The following HNF1B variants were observed in gnomAD, a reference collection of about 807,000 sequenced individuals.
HNF1B encodes HNF1 homeobox B.
HNF1B carries 8 observed loss-of-function variants against 61.7 expected under a neutral mutation model. The observed-to-expected ratio is 0.13, with a 90% CI of 0.08 to 0.23. The LOEUF (loss-of-function observed/expected upper bound fraction) is 0.23, where lower values mean the gene tolerates loss of function less well. HNF1B is among the 10% of genes least tolerant of loss of function. The pLI, the probability that HNF1B is intolerant of heterozygous loss-of-function variation, is 1.00. For missense variants in HNF1B, 562 were observed against 714.5 expected (o/e 0.79, Z 2.43); for synonymous variants, 314 against 287.7 (o/e 1.09, Z -0.93).
In HNF1B at chr17:37,687,200, G is replaced by A. The variant is rs979125395; in HGVS notation, c.*172C>T. On this transcript the variant is annotated 3_prime_UTR_variant, in exon 9 of 9. Transcript: ENST00000617811. ...GAAGGGAAACTGGGCTTCGGGCTGC[G>A]CCTCCTGAGAGTGGATTGTCTGAGG... The A allele has an allele frequency of 2.5e-5, 25 of 1,016,184 alleles. No individual in the cohort carries two copies. The highest frequency in any genetic ancestry group is 4.8e-5 in the African/African-American group (3 of 62,650). 62.9% of individuals were successfully genotyped at this position (1,016,184 alleles called of 1,614,324 possible).
chr17:37,715,645 A>G (rs141875171), intron 4 of HNF1B, among the ~76,000 whole-genome samples: 22 of 152,316 alleles, frequency 1.4e-4, no homozygotes, highest in African/African-American at 5.3e-4. Flanking sequence ...TGCAATATGG[A>G]GTCACATCTT....
chr17:37,741,019 T>C lies in HNF1B; in HGVS notation c.345-1380A>G, dbSNP rs1251767872. Among the ~76,000 whole-genome samples, 4 of 152,160 alleles carry C rather than the reference T, an allele frequency of 2.6e-5. No individual in the cohort carries two copies. The East Asian group carries it at 5.8e-4, about 22-fold the overall frequency. ...ATGTTTACTATTTATTTAATGCAGGTACATATTTAACTTACAAAAACCAGC... is the reference window on the plus strand; with the variant it reads ...ATGTTTACTATTTATTTAATGCAGGCACATATTTAACTTACAAAAACCAGC... On this transcript the variant is annotated intron_variant, in intron 1 of 8. Transcript: ENST00000617811.
chr17:37,732,509 C>T (rs2033717317), intron 3 of HNF1B, among the ~76,000 whole-genome samples: 1 of 152,222 alleles, frequency 6.6e-6, no homozygotes, highest in Admixed American at 6.5e-5. Flanking sequence ...CCAGCCTGAC[C>T]TCCCTGGCTG....
At chr17:37,708,037 C>G (rs1162118190) in intron 5 of HNF1B, among the ~76,000 whole-genome samples, 2 of 152,124 alleles carry the variant, frequency 1.3e-5, no homozygotes, top group Non-Finnish European at 2.9e-5. Context: ...TCACACCAAC[C>G]CTATGACGTA....
At chr17:37,693,023 TA>T (rs1452465565) in intron 8 of HNF1B, among the ~76,000 whole-genome samples, 8 of 151,926 alleles carry the variant, frequency 5.3e-5, no homozygotes, top group Non-Finnish European at 7.4e-5. Flanking sequence ...ACCCCGTCTC[TA>T]CTAAAAATAC....
At position 37,697,594 on chromosome 17, in the gene HNF1B, T is replaced by C. The variant is rs968516805; in HGVS notation, c.1653+1482A>G. 2.0e-5 allele frequency among the ~76,000 whole-genome samples: 3 copies of C among 152,224 alleles called. No homozygotes were observed. In the South Asian group the frequency reaches 6.2e-4, roughly 32 times the overall value. On this transcript the variant is annotated intron_variant, in intron 8 of 8. Coordinates refer to ENST00000617811, the MANE Select transcript of HNF1B (RefSeq NM_000458.4). Reference sequence around the variant, plus strand: ...GCTGACCAAGCGGCAGATGGATTGATAAACCTTTCAAAGGGGAAGGTATTC... The same window carrying C: ...GCTGACCAAGCGGCAGATGGATTGACAAACCTTTCAAAGGGGAAGGTATTC...
intron 4 of HNF1B, chr17:37,721,009 T>C (rs1185728983): frequency 8.6e-6 from 8 of 932,166 alleles, no homozygotes; most frequent in East Asian, 1.2e-4. Context: ...TAGGAGATGT[T>C]GTTTAAGGGT....
rs1218221978 is a variant in HNF1B, at chr17:37,686,728, G to A, written c.*644C>T. On this transcript the variant is annotated 3_prime_UTR_variant, in exon 9 of 9. Transcript: ENST00000617811. ...AGGGGCTTCACTTCCCACTTAGGAT[G>A]TTTCTCCATGAGGGGAGAGGGGACA... The A allele has an allele frequency of 5.8e-6, 1 of 173,710 alleles. No individual in the cohort carries two copies. Among genetic ancestry groups the A allele is most frequent in the African/African-American group, 2.4e-5 (1 of 41,856 alleles). 10.8% of individuals were successfully genotyped at this position (173,710 alleles called of 1,614,324 possible).
intron 4 of HNF1B, among the ~76,000 whole-genome samples, chr17:37,716,723 C>T (rs900584730): frequency 3.3e-5 from 5 of 152,160 alleles, no homozygotes; most frequent in African/African-American, 1.2e-4. Flanking sequence ...GCTTCAGGGC[C>T]TTAGAGCTAC....
intron 4 of HNF1B, among the ~76,000 whole-genome samples, chr17:37,723,264 G>A (rs1039056747): frequency 6.6e-6 from 1 of 151,784 alleles, no homozygotes; most frequent in Admixed American, 6.6e-5. Flanking sequence ...GGAGAATGGC[G>A]TGAACCCGGG....
At chr17:37,720,079 AGGAGCACCAGCCAAGTGCTCAG>A (rs1203521489) in intron 4 of HNF1B, among the ~76,000 whole-genome samples, 3 of 152,196 alleles carry the variant, frequency 2.0e-5, no homozygotes, top group African/African-American at 4.8e-5. Context: ...GCACTGAGAT[AGGAGCACCAGCCAAGTGCTCAG>A]GGAGCACCAC....
chr17:37,697,210 A>G (rs928919725), intron 8 of HNF1B, among the ~76,000 whole-genome samples: 1 of 152,182 alleles, frequency 6.6e-6, no homozygotes, highest in Non-Finnish European at 1.5e-5. Flanking sequence ...CAATGAGACA[A>G]TGTTCATGAG....
intron 8 of HNF1B, among the ~76,000 whole-genome samples, chr17:37,687,709 T>C (rs2032026876): frequency 6.6e-6 from 1 of 152,046 alleles, no homozygotes; most frequent in South Asian, 2.1e-4. Context: ...ATTTATAGAG[T>C]GCTTAGTGTA....
chr17:37,690,812 T>A (rs151248383), intron 8 of HNF1B, among the ~76,000 whole-genome samples: 1 of 152,198 alleles, frequency 6.6e-6, no homozygotes, highest in Non-Finnish European at 1.5e-5. Context: ...ATTTTAGACA[T>A]GCGTCTGTCC....
intron 2 of HNF1B, among the ~76,000 whole-genome samples, chr17:37,738,750 G>C (rs1190679723): frequency 6.6e-6 from 1 of 152,226 alleles, no homozygotes; most frequent in Non-Finnish European, 1.5e-5. Flanking sequence ...TTTGGGATGG[G>C]AATGGGGATG....
At chr17:37,732,361 A>G (rs1227751208) in intron 3 of HNF1B, among the ~76,000 whole-genome samples, 1 of 152,162 alleles carries the variant, frequency 6.6e-6, no homozygotes, top group Non-Finnish European at 1.5e-5. Context: ...GCCAGTCTCT[A>G]GCTTTATCAG....
At chr17:37,735,542 CA>C in intron 2 of HNF1B, among the ~76,000 whole-genome samples, 1 of 152,308 alleles carries the variant, frequency 6.6e-6, no homozygotes, top group East Asian at 1.9e-4. Flanking sequence ...TGGTGCCCAA[CA>C]ATGCCACTAT....
chr17:37,691,592 T>C (rs1434558772), intron 8 of HNF1B, among the ~76,000 whole-genome samples: 1 of 152,094 alleles, frequency 6.6e-6, no homozygotes, highest in East Asian at 1.9e-4. Flanking sequence ...CTTTGGGACA[T>C]GCGCTGAGTG....
At position 37,688,234 on chromosome 17, in the gene HNF1B, T is replaced by G. The variant is rs3094514; in HGVS notation, c.1654-842A>C. Among the ~76,000 whole-genome samples the G allele has an allele frequency of 4.1e-3, 625 of 152,294 alleles. 5 individuals carry two copies. Among genetic ancestry groups the G allele is most frequent in the African/African-American group, 0.014 (597 of 41,558 alleles). ...CTCCAGTGCCTGGGCCTTATTCATT[T>G]GAACTGTCATGGAGTGTCACTGCTT... On this transcript the variant is annotated intron_variant, in intron 8 of 8. Transcript: ENST00000617811.
Sources: allele counts gnomAD v4.1 joint callset (sites outside exome capture counted in the v4.1 genomes callset), GRCh38; gene constraint gnomAD v4.1.1; transcripts MANE v1.5; gene names NCBI Gene and HGNC (gene_info 2026-07-23, HGNC 2026-07-21).